The following DCLK1 variants were observed in gnomAD, a reference collection of about 807,000 sequenced individuals.
DCLK1 encodes the protein doublecortin like kinase 1.
In DCLK1, 16 loss-of-function variants were observed where a neutral mutation model predicts 86.2. The observed-to-expected ratio is 0.19, with a 90% CI of 0.13 to 0.28. The LOEUF is 0.28. Ranked by LOEUF, DCLK1 falls within the 10% of genes least tolerant of loss-of-function variation. The pLI is 1.00. For synonymous variants in DCLK1, 369 were observed against 370.5 expected (o/e 1.00, Z 0.05); for missense variants, 590 against 940.2 (o/e 0.63, Z 4.87).
chr13:36,073,896 C>A (rs559542047), intron 3 of DCLK1, among the ~76,000 whole-genome samples: 1 of 152,268 alleles, frequency 6.6e-6, no homozygotes, highest in Non-Finnish European at 1.5e-5. Flanking sequence ...CTTATAAAGT[C>A]ATGTTCAAAA....
chr13:35,880,612 G>T (rs1420736775), intron 4 of DCLK1, among the ~76,000 whole-genome samples: 2 of 152,142 alleles, frequency 1.3e-5, no homozygotes, highest in Admixed American at 1.3e-4. Context: ...TTGCTGATTT[G>T]CAGTTGGGGT....
chr13:35,985,618 C>CATCTCATTTTTGATGTT (rs766904397), intron 3 of DCLK1, among the ~76,000 whole-genome samples: 2 of 152,150 alleles, frequency 1.3e-5, no homozygotes, highest in Non-Finnish European at 2.9e-5. Flanking sequence ...AACCTGATGT[C>CATCTCATTTTTGATGTT]ATCTCATTTT....
At chr13:36,101,740 A>T (rs182058408) in intron 3 of DCLK1, among the ~76,000 whole-genome samples, 2,229 of 150,692 alleles carry the variant, frequency 0.015, 18 homozygotes, top group Non-Finnish European at 0.022. Flanking sequence ...TTATTTATTT[A>T]ATTTTTTTTT....
At chr13:35,847,077 A>G (rs939720112) in intron 6 of DCLK1, 17 of 984,514 alleles carry the variant, frequency 1.7e-5, no homozygotes, top group Non-Finnish European at 1.9e-5. Context: ...CCATCCATAC[A>G]CACACAATAG....
chr13:36,018,485 T>C (rs1225370939), intron 3 of DCLK1, among the ~76,000 whole-genome samples: 1 of 152,206 alleles, frequency 6.6e-6, no homozygotes, highest in African/African-American at 2.4e-5. Context: ...CATCTTTTAG[T>C]CATCCTCAAA....
chr13:35,997,753 C>G (rs1452207343), intron 3 of DCLK1, among the ~76,000 whole-genome samples: 1 of 152,166 alleles, frequency 6.6e-6, no homozygotes, highest in African/African-American at 2.4e-5. Context: ...AACCAAACAG[C>G]AAAGTATGCT....
intron 3 of DCLK1, among the ~76,000 whole-genome samples, chr13:36,030,226 C>G (rs1204019394): frequency 1.3e-5 from 2 of 152,210 alleles, no homozygotes; most frequent in Non-Finnish European, 2.9e-5. Context: ...CACTGTCACT[C>G]TGTAAGAGCT....
intron 3 of DCLK1, among the ~76,000 whole-genome samples, chr13:36,007,932 G>C (rs771541660): frequency 6.6e-6 from 1 of 151,852 alleles, no homozygotes; most frequent in Admixed American, 6.6e-5. Flanking sequence ...TTTGTGTGTC[G>C]TATACAAACC....
chr13:35,976,990 T>C (rs1161319960), intron 3 of DCLK1, among the ~76,000 whole-genome samples: 2 of 152,188 alleles, frequency 1.3e-5, no homozygotes, highest in African/African-American at 2.4e-5. Flanking sequence ...GCTTAAGCCT[T>C]AGTGGAATCT....
intron 5 of DCLK1, among the ~76,000 whole-genome samples, chr13:35,864,995 T>C (rs1327800555): frequency 5.3e-5 from 8 of 152,148 alleles, no homozygotes; most frequent in Non-Finnish European, 1.2e-4. Context: ...ATTTTGAAGT[T>C]TGTAAGTTTT....
At chr13:35,943,518 T>TAA (rs60224389) in intron 4 of DCLK1, among the ~76,000 whole-genome samples, 9 of 152,036 alleles carry the variant, frequency 5.9e-5, no homozygotes, top group East Asian at 3.9e-4. Flanking sequence ...AACTAGTTGA[T>TAA]AAAAAAACAG....
At chr13:35,934,264 AC>A (rs1218093293) in intron 4 of DCLK1, among the ~76,000 whole-genome samples, 1 of 152,158 alleles carries the variant, frequency 6.6e-6, no homozygotes, top group African/African-American at 2.4e-5. Context: ...TCTGCCTGTT[AC>A]CCAATTTCAA....
Position 35,871,262 on chromosome 13 carries a change from G to A in DCLK1, c.902C>T (p.Pro301Leu), listed in dbSNP as rs1437147123. 10 of 1,613,748 alleles carry A rather than the reference G, an allele frequency of 6.2e-6. No homozygotes were observed. In the East Asian group the frequency reaches 8.9e-5, roughly 14 times the overall value. The change falls in exon 5 of 17, where the codon CCG becomes CTG. Residue 301 changes from proline to leucine, a missense_variant. Pro to Leu is a moderately conservative substitution (Grantham distance 98). This residue lies in a region of DCLK1 where 195 missense variants were observed against 365.1 expected (regional missense o/e 0.53). Coordinates refer to ENST00000360631, the MANE Select transcript of DCLK1 (RefSeq NM_001330071.2). ...GGCAGGGGACTTGCTACGCCTGGACGGTCCTGGGCTCTTGGTGGTGCTCCT... is the reference window on the plus strand; with the variant it reads ...GGCAGGGGACTTGCTACGCCTGGACAGTCCTGGGCTCTTGGTGGTGCTCCT... ...SRRSTTKSPG[P>L]SRRSKSPAST... is the part of the protein sequence containing the mutation.
At chr13:36,070,149 TG>T (rs1354929961) in intron 3 of DCLK1, among the ~76,000 whole-genome samples, 3 of 152,230 alleles carry the variant, frequency 2.0e-5, no homozygotes, top group African/African-American at 4.8e-5. Context: ...AAAAAAAATA[TG>T]GTTTTTTAAA....
At chr13:36,057,954 T>A (rs1205785129) in intron 3 of DCLK1, among the ~76,000 whole-genome samples, 2 of 152,098 alleles carry the variant, frequency 1.3e-5, no homozygotes, top group Non-Finnish European at 2.9e-5. Flanking sequence ...TGCTTATATA[T>A]TTTGGGGGGG....
At chr13:35,885,564 G>C (rs1160764710) in intron 4 of DCLK1, among the ~76,000 whole-genome samples, 3 of 152,146 alleles carry the variant, frequency 2.0e-5, no homozygotes, top group African/African-American at 7.2e-5. Context: ...CACTGGGATA[G>C]AATTTAATCA....
At chr13:35,799,629 A>T (rs2153100756) in intron 15 of DCLK1, among the ~76,000 whole-genome samples, 1 of 152,308 alleles carries the variant, frequency 6.6e-6, no homozygotes, top group Admixed American at 6.5e-5. Flanking sequence ...AGCATCCTAG[A>T]GTATCAGAAG....
chr13:35,866,946 G>A (rs1056050951), intron 5 of DCLK1, among the ~76,000 whole-genome samples: 1 of 152,164 alleles, frequency 6.6e-6, no homozygotes. Flanking sequence ...GCAGTGGAGG[G>A]GCCCTGAGAG....
intron 16 of DCLK1, among the ~76,000 whole-genome samples, chr13:35,781,268 T>C (rs958675057): frequency 8.5e-5 from 13 of 152,178 alleles, no homozygotes; most frequent in Non-Finnish European, 1.2e-4. Context: ...TCAGGAGAAT[T>C]AGCTTTTTGT....
Sources: allele counts gnomAD v4.1 joint callset (sites outside exome capture counted in the v4.1 genomes callset), GRCh38; gene constraint gnomAD v4.1.1; regional missense constraint gnomAD v4.1.1; transcripts MANE v1.5; gene names NCBI Gene and HGNC (gene_info 2026-07-23, HGNC 2026-07-21).